The following GRIK5 variants were observed in gnomAD, a reference collection of about 807,000 sequenced individuals.
The protein encoded by GRIK5 is glutamate receptor ionotropic, kainate 5.
A neutral mutation model predicts 97.4 loss-of-function variants in GRIK5; 43 were observed. The observed-to-expected ratio is 0.44, with a 90% confidence interval of 0.35 to 0.57. The LOEUF (loss-of-function observed/expected upper bound fraction) is 0.57. GRIK5 is among the 20% of genes least tolerant of loss of function. The pLI, the probability that GRIK5 is intolerant of heterozygous loss-of-function variation, is 0.01. For synonymous variants in GRIK5, 580 were observed against 583.5 expected (o/e 0.99, Z 0.09); for missense variants, 1,015 against 1,382.0 (o/e 0.73, Z 4.21).
At chr19:42,023,974 G>T (rs947671361) in intron 12 of GRIK5, among the ~76,000 whole-genome samples, 1 of 152,206 alleles carries the variant, frequency 6.6e-6, no homozygotes, top group African/African-American at 2.4e-5. Flanking sequence ...GGGCTCAGCT[G>T]CCCTGCCAGC....
Position 41,999,703 on chromosome 19 carries a change from A to G in GRIK5, c.2515-404T>C, listed in dbSNP as rs568220802. Among the ~76,000 whole-genome samples the G allele has an allele frequency of 5.3e-5, 8 of 152,272 alleles. No individual in the cohort carries two copies. Among genetic ancestry groups the G allele is most frequent in the African/African-American group, 1.4e-4 (6 of 41,554 alleles). On this transcript the variant is annotated intron_variant, in intron 19 of 19. Transcript: ENST00000593562. The surrounding 1 kb of genome is among the most constrained non-coding windows in gnomAD (Gnocchi z 5.0). ...CTGCTGTGTGCCCGGCACTGTTCTG[A>G]GCACTGGGGATATGGCAGAGAAGGA...
intron 11 of GRIK5, among the ~76,000 whole-genome samples, chr19:42,047,080 G>A (rs571496463): frequency 6.6e-6 from 1 of 151,930 alleles, no homozygotes; most frequent in African/African-American, 2.4e-5. Flanking sequence ...TAGAGACAGG[G>A]TTTCATCATG....
In GRIK5 at chr19:42,042,084, G is replaced by A. The variant is rs1226633423; in HGVS notation, c.1473+468C>T. On this transcript the variant is annotated intron_variant, in intron 12 of 19. Transcript: ENST00000593562. This position sits in a 1 kb window ranked among gnomAD's most constrained non-coding sequence, Gnocchi z 6.9. ...ATAAACAGCCACTGAATGGGTGAAT[G>A]TATGAGTTCTACATGCAGCCCTCCA... Among the ~76,000 whole-genome samples, 1 of 152,186 alleles carries A rather than the reference G, an allele frequency of 6.6e-6. No individual in the cohort carries two copies. The highest frequency in any genetic ancestry group is 1.5e-5 in the Non-Finnish European group (1 of 68,026).
chr19:42,017,618 G>A (rs930586665), intron 15 of GRIK5, among the ~76,000 whole-genome samples: 3 of 152,210 alleles, frequency 2.0e-5, no homozygotes, highest in African/African-American at 7.2e-5. Flanking sequence ...GAGGTTGGAG[G>A]AAACCAGGAG....
chr19:42,057,024 C>T (rs1292458125), intron 6 of GRIK5, 46 bp from the exon 7 acceptor site: 2 of 1,438,748 alleles, frequency 1.4e-6, no homozygotes, highest in South Asian at 2.4e-5. Flanking sequence ...GACAGAGACC[C>T]ACAGGCAGAG....
chr19:42,046,547 T>G (rs1283573576), intron 11 of GRIK5, among the ~76,000 whole-genome samples: 1 of 152,108 alleles, frequency 6.6e-6, no homozygotes. Context: ...TTGCTTGTAG[T>G]GAGAACAAAG....
intron 5 of GRIK5, among the ~76,000 whole-genome samples, chr19:42,060,927 T>C (rs1166527179): frequency 6.6e-6 from 1 of 152,232 alleles, no homozygotes; most frequent in East Asian, 1.9e-4. Flanking sequence ...CACTTATTTG[T>C]GGTGTTTTTT....
At chr19:42,067,430 CT>C (rs2076351027) in intron 1 of GRIK5, among the ~76,000 whole-genome samples, 1 of 152,120 alleles carries the variant, frequency 6.6e-6, no homozygotes, top group Admixed American at 6.6e-5. Flanking sequence ...AGGCTGGGGA[CT>C]GCAAACTATA....
chr19:42,051,845 G>A (rs911204067), intron 11 of GRIK5, among the ~76,000 whole-genome samples: 6 of 152,158 alleles, frequency 3.9e-5, no homozygotes, highest in South Asian at 4.2e-4. Context: ...CCCTCCTGCC[G>A]CTCCTGCTGC....
At chr19:42,030,024 C>T (rs554563361) in intron 12 of GRIK5, among the ~76,000 whole-genome samples, 2 of 152,136 alleles carry the variant, frequency 1.3e-5, no homozygotes, top group Non-Finnish European at 2.9e-5. Context: ...TGCTTTCTGC[C>T]GTTGCTACTG....
chr19:42,033,746 T>C (rs958202634), intron 12 of GRIK5, among the ~76,000 whole-genome samples: 28 of 152,148 alleles, frequency 1.8e-4, no homozygotes, highest in African/African-American at 6.3e-4. Context: ...ATGCTTGTAA[T>C]CCCAGCACTT....
intron 5 of GRIK5, among the ~76,000 whole-genome samples, chr19:42,061,314 G>A (rs1159748340): frequency 6.6e-6 from 1 of 152,174 alleles, no homozygotes; most frequent in East Asian, 1.9e-4. Flanking sequence ...AAAGTGCTGG[G>A]ATTACAGGCG....
At position 42,021,861 on chromosome 19, in the gene GRIK5, T is replaced by A; in HGVS notation, c.1697+86A>T. On this transcript the variant is annotated intron_variant, in intron 14 of 19. Coordinates refer to ENST00000593562, the MANE Select transcript of GRIK5 (RefSeq NM_002088.5). This position sits in a 1 kb window ranked among gnomAD's most constrained non-coding sequence, Gnocchi z 4.2. ...CCCCAAAGGGGAGGCCAAGGACAGT[T>A]CCGAGAGAGAAGAGGCAGGTCGGTC... 1.2e-6 allele frequency: 1 copy of A among 824,904 alleles called. No individual in the cohort carries two copies. Among genetic ancestry groups the A allele is most frequent in the South Asian group, 1.6e-5 (1 of 63,102 alleles). 51.1% of individuals were successfully genotyped at this position (824,904 alleles called of 1,614,324 possible). A position where few individuals can be genotyped will look rare whatever the true frequency, so the allele number is the denominator to read the frequency against.
In GRIK5 at chr19:42,054,348, C is replaced by G; in HGVS notation, c.1028G>C (p.Gly343Ala). 1 of 1,612,894 alleles carries G rather than the reference C, an allele frequency of 6.2e-7. No individual in the cohort carries two copies. ...GCGCAGGTAGTTCATGAGGCTGGTCCCGTGGGGCCAAATGTTGGCCGATGT... is the reference window on the plus strand; with the variant it reads ...GCGCAGGTAGTTCATGAGGCTGGTCGCGTGGGGCCAAATGTTGGCCGATGT... The part of the protein sequence containing the change: ...ACTSANIWPH[G>A]TSLMNYLRMV... The change falls in exon 9 of 20, where the codon GGG becomes GCG. Residue 343 changes from glycine (G) to alanine (A), a missense_variant. Gly to Ala is a moderately conservative substitution (Grantham distance 60, BLOSUM62 0). Around this residue, in one of 5 missense-constraint regions of GRIK5, gnomAD observed 477 missense variants for 701.1 expected, o/e 0.68. Transcript: ENST00000593562.
chr19:42,040,539 G>C (rs1217781500), intron 12 of GRIK5, among the ~76,000 whole-genome samples: 1 of 152,120 alleles, frequency 6.6e-6, no homozygotes, highest in African/African-American at 2.4e-5. Context: ...GTCTCACCCG[G>C]GGCCTCTTTG....
At chr19:42,050,485 C>T (rs368873255) in intron 11 of GRIK5, among the ~76,000 whole-genome samples, 5 of 151,670 alleles carry the variant, frequency 3.3e-5, no homozygotes, top group African/African-American at 1.2e-4. Context: ...CGGTGAAACC[C>T]CGTCTCTACT....
intron 15 of GRIK5, among the ~76,000 whole-genome samples, chr19:42,016,186 G>A (rs373653846): frequency 2.0e-5 from 3 of 152,170 alleles, no homozygotes; most frequent in Admixed American, 6.5e-5. Context: ...TTGGAAGGCC[G>A]AGGTGGGTGG....
chr19:42,069,122 G>A (rs896776494), intron 1 of GRIK5, 119 bp downstream of exon 1: 16 of 423,036 alleles, frequency 3.8e-5, no homozygotes, highest in Non-Finnish European at 5.8e-5. Context: ...CCCTAGTGGG[G>A]GAGGGTACTT....
chr19:42,027,455 C>G (rs868427649), intron 12 of GRIK5, among the ~76,000 whole-genome samples: 2 of 152,204 alleles, frequency 1.3e-5, no homozygotes, highest in African/African-American at 2.4e-5. Context: ...CCTGGGAAGG[C>G]AGCAGAGTGG....
Sources: gnomAD v4.1 joint callset for allele counts (sites outside exome capture counted in the v4.1 genomes callset) on GRCh38, gnomAD v4.1.1 for gene constraint, gnomAD v4.1.1 regional missense constraint, Gnocchi (gnomAD v3.1) non-coding constraint, MANE v1.5 for transcripts, NCBI Gene and HGNC (gene_info 2026-07-23, HGNC 2026-07-21) for gene names.